The following DYNC2H1 variants were observed in gnomAD, a reference collection of about 807,000 sequenced individuals.
DYNC2H1 encodes cytoplasmic dynein 2 heavy chain 1.
Under a neutral mutation model 570.0 loss-of-function variants are expected in DYNC2H1, and 410 were observed. That is an observed-to-expected ratio of 0.72 (90% CI 0.66 to 0.78). The LOEUF (loss-of-function observed/expected upper bound fraction) is 0.78, where lower values mean the gene tolerates loss of function less well. DYNC2H1 is among the 30% of genes least tolerant of loss of function. The pLI, the probability that DYNC2H1 is intolerant of heterozygous loss-of-function variation, is 0.00. For synonymous variants in DYNC2H1, 1,688 were observed against 1,677.6 expected, an observed-to-expected ratio of 1.01 and a Z score of -0.15; for missense variants, 4,865 against 5,046.4, an observed-to-expected ratio of 0.96 and a Z score of 1.09.
At chr11:103,154,145 A>G (rs974983602) in intron 22 of DYNC2H1, among the ~76,000 whole-genome samples, 1 of 151,808 alleles carries the variant, frequency 6.6e-6, no homozygotes, top group African/African-American at 2.4e-5. Context: ...CATATATATA[A>G]TATGTATTAC....
intron 87 of DYNC2H1, among the ~76,000 whole-genome samples, chr11:103,462,245 T>G (rs1945040650): frequency 6.6e-6 from 1 of 152,184 alleles, no homozygotes; most frequent in Non-Finnish European, 1.5e-5. Context: ...AGTAAACTTT[T>G]GTTCCTCTGT....
At chr11:103,339,051 C>A (rs1438731947) in intron 82 of DYNC2H1, among the ~76,000 whole-genome samples, 1 of 152,180 alleles carries the variant, frequency 6.6e-6, no homozygotes, top group African/African-American at 2.4e-5. Flanking sequence ...GGTGCCCTAA[C>A]CCAGGTATGC....
intron 85 of DYNC2H1, among the ~76,000 whole-genome samples, chr11:103,449,947 A>C (rs1343172331): frequency 1.3e-5 from 2 of 152,192 alleles, no homozygotes; most frequent in African/African-American, 2.4e-5. Flanking sequence ...GATGGCCATA[A>C]GGCATCATGG....
At chr11:103,313,353 C>G (rs548034476) in intron 79 of DYNC2H1, among the ~76,000 whole-genome samples, 1 of 152,306 alleles carries the variant, frequency 6.6e-6, no homozygotes, top group South Asian at 2.1e-4. Context: ...TTTTCCATTG[C>G]CATGGCAGTC....
rs968316423 is a variant in DYNC2H1 at position 103,170,074 on chromosome 11, A to G, written c.4969-34A>G. On this transcript the variant is annotated intron_variant, in intron 32 of 88. Transcript: ENST00000375735. The surrounding 1 kb of genome is among the most constrained non-coding windows in gnomAD (Gnocchi z 4.8). The stretch of plus-strand genomic sequence containing the variant: ...AATATTTGTAAATGTTGAATAGAAC[A>G]TGAATACTCTGACTTTGTGTTGTTC... The G allele has an allele frequency of 3.2e-6, 5 of 1,547,382 alleles. No individual in the cohort carries two copies. Among genetic ancestry groups the G allele is most frequent in the Non-Finnish European group, 4.4e-6 (5 of 1,142,548 alleles).
chr11:103,172,335 T>C (rs1056599694), intron 34 of DYNC2H1, among the ~76,000 whole-genome samples: 6 of 152,162 alleles, frequency 3.9e-5, no homozygotes, highest in African/African-American at 1.4e-4. Context: ...TTATTATCCC[T>C]TGTGCTATAG....
In DYNC2H1 at chr11:103,177,551, A is replaced by G. The variant is rs753294503; in HGVS notation, c.5875-5A>G. 3 of 1,598,812 alleles carry G rather than the reference A, an allele frequency of 1.9e-6. No individual in the cohort carries two copies. The highest frequency in any genetic ancestry group is 8.5e-7 in the Non-Finnish European group (1 of 1,176,154). ...TCATATATGAACATATTTCTTTCCTACTAGATCAAAAAGGCTTTAGAATTG... is the reference window on the plus strand; with the variant it reads ...TCATATATGAACATATTTCTTTCCTGCTAGATCAAAAAGGCTTTAGAATTG... On this transcript the variant is annotated splice_polypyrimidine_tract_variant and splice_region_variant and intron_variant, in intron 37 of 88. Coordinates refer to ENST00000375735, the MANE Select transcript of DYNC2H1 (RefSeq NM_001377.3). This position sits in a 1 kb window ranked among gnomAD's most constrained non-coding sequence, Gnocchi z 4.4.
rs1442693700 is a variant in DYNC2H1, at chr11:103,319,692, T to A, written c.11726-1337T>A. Among the ~76,000 whole-genome samples, 5 of 152,186 alleles carry A rather than the reference T, an allele frequency of 3.3e-5. No individual in the cohort carries two copies. The East Asian group carries it at 9.6e-4, about 29-fold the overall frequency. ...AAAAAATAAGATTTTCTTATAAAAA[T>A]TCGATAAAATATTTCACATAATGGC... On this transcript the variant is annotated intron_variant, in intron 80 of 88. Coordinates refer to ENST00000375735, the MANE Select transcript of DYNC2H1 (RefSeq NM_001377.3). This position sits in a 1 kb window ranked among gnomAD's most constrained non-coding sequence, Gnocchi z 4.3.
intron 59 of DYNC2H1, among the ~76,000 whole-genome samples, chr11:103,223,672 C>G (rs546265219): frequency 2.0e-5 from 3 of 152,144 alleles, no homozygotes; most frequent in African/African-American, 7.2e-5. Flanking sequence ...AGGTGTGGAC[C>G]ACCACGCCTG....
At position 103,257,491 on chromosome 11, in the gene DYNC2H1, A is replaced by G. The variant is rs915780493; in HGVS notation, c.10462-117A>G. 3.8e-6 allele frequency: 4 copies of G among 1,058,834 alleles called. No homozygotes were observed. In the African/African-American group the frequency reaches 6.5e-5, roughly 17 times the overall value. The allele number at this position is 1,058,834 out of a possible 1,614,324, so 65.6% of individuals were successfully genotyped here. A position where few individuals can be genotyped will look rare whatever the true frequency, so the allele number is the denominator to read the frequency against. On this transcript the variant is annotated intron_variant, in intron 68 of 88. Coordinates refer to ENST00000375735, the MANE Select transcript of DYNC2H1 (RefSeq NM_001377.3). ...TCTTCATTTGTTTTATGTGCATAGA[A>G]AAAGTAAGGTTTTTTTATTACTTGG...
At chr11:103,332,928 G>T (rs983988655) in intron 82 of DYNC2H1, among the ~76,000 whole-genome samples, 1 of 151,846 alleles carries the variant, frequency 6.6e-6, no homozygotes, top group African/African-American at 2.4e-5. Context: ...GCTTGAACCT[G>T]GTAGGCAGAG....
At chr11:103,344,814 G>A (rs1420005545) in intron 82 of DYNC2H1, among the ~76,000 whole-genome samples, 1 of 151,824 alleles carries the variant, frequency 6.6e-6, no homozygotes, top group Non-Finnish European at 1.5e-5. Flanking sequence ...ATATATTAAT[G>A]AGTAATTAAA....
intron 84 of DYNC2H1, among the ~76,000 whole-genome samples, chr11:103,431,500 T>G (rs1943892721): frequency 1.3e-5 from 2 of 152,108 alleles, no homozygotes; most frequent in Non-Finnish European, 2.9e-5. Flanking sequence ...CATTTTCTCT[T>G]CTGTAAAATG....
rs764836887 is a variant in DYNC2H1 at position 103,236,406 on chromosome 11, T to C, written c.9710-24T>C. The C allele has an allele frequency of 9.4e-6, 12 of 1,282,060 alleles. No homozygotes were observed. In the South Asian group the frequency reaches 9.5e-5, roughly 10 times the overall value. 79.4% of individuals were successfully genotyped at this position (1,282,060 alleles called of 1,614,324 possible). A position where few individuals can be genotyped will look rare whatever the true frequency, so the allele number is the denominator to read the frequency against. ...TCAAGTACAAGATCGTTGTGAAGTA[T>C]TATCAATATCTTCAACTTTTCAGAA... is the stretch of plus-strand genomic sequence containing the variant. On this transcript the variant is annotated intron_variant, in intron 62 of 88. Coordinates refer to ENST00000375735, the MANE Select transcript of DYNC2H1 (RefSeq NM_001377.3).
At chr11:103,314,361 G>C (rs1415407675) in intron 79 of DYNC2H1, among the ~76,000 whole-genome samples, 3 of 152,030 alleles carry the variant, frequency 2.0e-5, no homozygotes, top group Non-Finnish European at 2.9e-5. Flanking sequence ...TTAAGTATCA[G>C]TGTCTATTTA....
chr11:103,434,086 C>T (rs560473540), intron 84 of DYNC2H1, among the ~76,000 whole-genome samples: 2 of 152,224 alleles, frequency 1.3e-5, no homozygotes, highest in Non-Finnish European at 2.9e-5. Flanking sequence ...ATTATCCATA[C>T]ATTTCAATAA....
At chr11:103,146,229 G>T (rs1860232938) in intron 18 of DYNC2H1, among the ~76,000 whole-genome samples, 1 of 152,108 alleles carries the variant, frequency 6.6e-6, no homozygotes, top group South Asian at 2.1e-4. Context: ...CATATAATTT[G>T]CCTCTTAAGG....
At chr11:103,455,372 C>A in intron 86 of DYNC2H1, 77 bp downstream of exon 86, 1 of 1,065,552 alleles carries the variant, frequency 9.4e-7, no homozygotes, top group Non-Finnish European at 1.4e-6. Context: ...TATTACACTG[C>A]CCTTGATTGT....
Position 103,307,831 on chromosome 11 carries a change from G to T in DYNC2H1, c.11493G>T (p.Glu3831Asp). Residue 3831 changes from glutamate to aspartate, a missense_variant and splice_region_variant, in exon 78 of 89, where the codon GAG becomes GAT. Transcript: ENST00000375735. ...AGTCAAGTCTGAAGATAACATATGA[G>T]GTAAGAAGATTTAAAACTTGGATCA... ...LLQSSLKITY[E>D]SPPGLKKNLM... 6.4e-7 allele frequency: 1 copy of T among 1,559,578 alleles called. No individual in the cohort carries two copies. The highest frequency in any genetic ancestry group is 1.8e-5 in the Admixed American group (1 of 56,036).
Sources: allele counts gnomAD v4.1 joint callset (sites outside exome capture counted in the v4.1 genomes callset), GRCh38; gene constraint gnomAD v4.1.1; non-coding constraint Gnocchi (gnomAD v3.1); transcripts MANE v1.5; gene names NCBI Gene and HGNC (gene_info 2026-07-23, HGNC 2026-07-21).